TNNT1: variants seen among roughly 807,000 people sequenced by gnomAD.
TNNT1 encodes the protein troponin T1, slow skeletal type.
TNNT1 carries 53 observed loss-of-function variants against 50.6 expected under a neutral mutation model. That is an observed-to-expected ratio of 1.05 (90% CI 0.84 to 1.32). The LOEUF is 1.32. Ranked by LOEUF, TNNT1 falls within the 40% of genes most tolerant of loss-of-function variation. The probability of loss-of-function intolerance (pLI) is 0.00; values close to 1 mark genes in which losing one functional copy is unlikely to be tolerated. For synonymous variants in TNNT1, 142 were observed against 138.0 expected, an observed-to-expected ratio of 1.03 and a Z score of -0.20; for missense variants, 348 against 381.7, an observed-to-expected ratio of 0.91 and a Z score of 0.74.
chr19:55,146,384 C>A (rs1022033073), intron 5 of TNNT1, 50 bp downstream of exon 5: 4 of 1,306,090 alleles, frequency 3.1e-6, no homozygotes, highest in Non-Finnish European at 4.0e-6. Flanking sequence ...TATCGGGGGT[C>A]CCCCCGGGCC....
chr19:55,142,736 C>T (rs1054055550), intron 6 of TNNT1, among the ~76,000 whole-genome samples: 5 of 151,404 alleles, frequency 3.3e-5, no homozygotes, highest in African/African-American at 1.2e-4. Context: ...TTAGTAGAGA[C>T]GGGGTTTCAC....
At chr19:55,147,724 ACGCCTGGG>A (rs2085603702) in intron 1 of TNNT1, among the ~76,000 whole-genome samples, 1 of 109,662 alleles carries the variant, frequency 9.1e-6, no homozygotes, top group Non-Finnish European at 1.9e-5. Flanking sequence ...AGGGGCCTGG[ACGCCTGGG>A]TCTGAGGGAG....
intron 9 of TNNT1, among the ~76,000 whole-genome samples, chr19:55,138,920 T>A (rs2085403280): frequency 6.6e-6 from 1 of 152,170 alleles, no homozygotes; most frequent in Non-Finnish European, 1.5e-5. Flanking sequence ...GAAACAGTGG[T>A]TTGTCCAGGC....
chr19:55,140,187 C>T lies in TNNT1; in HGVS notation c.387+696G>A, dbSNP rs372122350. Reference sequence around the variant, plus strand: ...GAAAATGGAGAATCCAGGCCGGGCACGATGGCTCATGCCTGTCATCCCAGC... The same window carrying T: ...GAAAATGGAGAATCCAGGCCGGGCATGATGGCTCATGCCTGTCATCCCAGC... On this transcript the variant is annotated intron_variant, in intron 9 of 13. Coordinates refer to ENST00000588981, the MANE Select transcript of TNNT1 (RefSeq NM_003283.6). Among the ~76,000 whole-genome samples, 13 of 148,554 alleles carry T rather than the reference C, an allele frequency of 8.8e-5. No individual in the cohort carries two copies. In the East Asian group the frequency reaches 2.6e-3, roughly 30 times the overall value.
intron 3 of TNNT1, 67 bp from the exon 4 acceptor site, chr19:55,146,774 A>C (rs896148755): frequency 4.8e-5 from 64 of 1,324,808 alleles, no homozygotes; most frequent in Non-Finnish European, 6.1e-5. Context: ...GTGGCCAGAG[A>C]CCAGGGTTCC....
chr19:55,136,220 AG>A lies in TNNT1; in HGVS notation c.611+882del, dbSNP rs146663402. On this transcript the variant is annotated intron_variant, in intron 11 of 13. Coordinates refer to ENST00000588981, the MANE Select transcript of TNNT1 (RefSeq NM_003283.6). ...AGGATAATAATAGTATCTACCTCAC[AG>A]GGTTGTAAACCCTCCACAGGAAGCT... 2.0e-3 allele frequency among the ~76,000 whole-genome samples: 299 copies of A among 152,252 alleles called. 2 individuals are homozygous for A. The highest frequency in any genetic ancestry group is 6.9e-3 in the African/African-American group (287 of 41,540).
At chr19:55,147,277 GA>G (rs1277560576) in intron 1 of TNNT1, 109 bp from the exon 2 acceptor site, 13 of 1,023,648 alleles carry the variant, frequency 1.3e-5, no homozygotes, top group Non-Finnish European at 1.9e-5. Flanking sequence ...CCTGGGTCTG[GA>G]CTCCTGGGTG....
In TNNT1 at chr19:55,134,944, G is replaced by A. The variant is rs1452208356; in HGVS notation, c.612-740C>T. 2.6e-5 allele frequency among the ~76,000 whole-genome samples: 4 copies of A among 151,206 alleles called. No individual in the cohort carries two copies. In the Admixed American group the frequency reaches 2.7e-4, roughly 10 times the overall value. Reference sequence around the variant, plus strand: ...TCAATTCCCAGCCATGCCATTCTCTGGTTTATGAATATGTCACATGACTTC... The same window carrying A: ...TCAATTCCCAGCCATGCCATTCTCTAGTTTATGAATATGTCACATGACTTC... On this transcript the variant is annotated intron_variant, in intron 11 of 13. Transcript: ENST00000588981.
Position 55,147,449 on chromosome 19 carries a change from T to TG in TNNT1, c.-11-282dup, listed in dbSNP as rs202052401. 351 of 245,050 alleles carry TG rather than the reference T, an allele frequency of 1.4e-3. 5 individuals carry two copies. Among genetic ancestry groups the TG allele is most frequent in the African/African-American group, 6.4e-3 (79 of 12,392 alleles). The allele number at this position is 245,050 out of a possible 1,614,324, so 15.2% of individuals were successfully genotyped here. On this transcript the variant is annotated intron_variant, in intron 1 of 13. Coordinates refer to ENST00000588981, the MANE Select transcript of TNNT1 (RefSeq NM_003283.6). ...CTCCTGGGTCTGAGGGAGGAGGAGCTGGGGCCTGGACTCCTGGGTCTGAGG... is the reference window on the plus strand; with the variant it reads ...CTCCTGGGTCTGAGGGAGGAGGAGCTGGGGGCCTGGACTCCTGGGTCTGAGG...
intron 6 of TNNT1, 167 bp downstream of exon 6, chr19:55,145,377 G>A: frequency 1.5e-6 from 1 of 679,366 alleles, no homozygotes; most frequent in Non-Finnish European, 2.7e-6. Context: ...GGAGGAGGGA[G>A]AGGAGGGAGG....
intron 11 of TNNT1, among the ~76,000 whole-genome samples, chr19:55,134,724 G>A (rs1230547502): frequency 8.3e-5 from 2 of 24,078 alleles, no homozygotes; most frequent in African/African-American, 1.9e-4. Context: ...AGAGGGGAGG[G>A]GAGAGGAGAA....
rs16986278 is a variant in TNNT1 at position 55,144,781 on chromosome 19, G to T, written c.128+763C>A. ...GGTCCGCTGGAGCCAGATGGGGAAGGCTTTGAATGCAGGCTAGTTGCTTTG... is the reference window on the plus strand; with the variant it reads ...GGTCCGCTGGAGCCAGATGGGGAAGTCTTTGAATGCAGGCTAGTTGCTTTG... On this transcript the variant is annotated intron_variant, in intron 6 of 13. Coordinates refer to ENST00000588981, the MANE Select transcript of TNNT1 (RefSeq NM_003283.6). Among the ~76,000 whole-genome samples, 3 of 152,158 alleles carry T rather than the reference G, an allele frequency of 2.0e-5. No homozygotes were observed. The South Asian group carries it at 6.2e-4, about 31-fold the overall frequency.
Position 55,140,718 on chromosome 19 carries a change from A to C in TNNT1, c.387+165T>G, listed in dbSNP as rs138034350. On this transcript the variant is annotated intron_variant, in intron 9 of 13. Transcript: ENST00000588981. ...CTTGAACCTGGAAGGCAGAGGTTAC[A>C]GTGAGCTGAGATCGTGCCACTGCAC... 668 of 339,092 alleles carry C rather than the reference A, an allele frequency of 2.0e-3. 3 individuals carry two copies. The highest frequency in any genetic ancestry group is 0.013 in the African/African-American group (630 of 47,638). 21.0% of individuals were successfully genotyped at this position (339,092 alleles called of 1,614,324 possible). A position where few individuals can be genotyped will look rare whatever the true frequency, so the allele number is the denominator to read the frequency against.
At position 55,134,133 on chromosome 19, in the gene TNNT1, T is replaced by G; in HGVS notation, c.683A>C (p.Asp228Ala). ...PAREKAQELS[D>A]WIHQLESEKF... ...CTCAGACTCCAGCTGGTGGATCCAG[T>G]CCGACAGCTCCTGGGCTTTCTCCCT... The change falls in exon 12 of 14, where the codon GAC becomes GCC. Residue 228 changes from aspartate (D) to alanine (A), a missense_variant. By Grantham distance (126) the Asp-to-Ala change is moderately radical. Transcript: ENST00000588981. 1 of 1,609,592 alleles carries G rather than the reference T, an allele frequency of 6.2e-7. No individual in the cohort carries two copies. The highest frequency in any genetic ancestry group is 8.5e-7 in the Non-Finnish European group (1 of 1,178,452).
intron 1 of TNNT1, 31 bp downstream of exon 1, chr19:55,149,130 G>A (rs769330627): frequency 1.0e-4 from 47 of 455,916 alleles, no homozygotes; most frequent in South Asian, 7.3e-4. Context: ...CATGGTTTTT[G>A]AAGACCACAG....
intron 13 of TNNT1, chr19:55,133,615 T>C: frequency 1.9e-6 from 1 of 528,116 alleles, no homozygotes; most frequent in Non-Finnish European, 3.4e-6. Flanking sequence ...GAGATGGAAG[T>C]TGCAGTGAGC....
In TNNT1 at chr19:55,135,063, C is replaced by T. The variant is rs188767695; in HGVS notation, c.612-859G>A. Reference sequence around the variant, plus strand: ...ACCTGTTAGCCCTTCTCCCTTTCTTCTAGAAATAGCCTCTTGTGCATTAGG... The same window carrying T: ...ACCTGTTAGCCCTTCTCCCTTTCTTTTAGAAATAGCCTCTTGTGCATTAGG... On this transcript the variant is annotated intron_variant, in intron 11 of 13. Transcript: ENST00000588981. 2.7e-3 allele frequency among the ~76,000 whole-genome samples: 417 copies of T among 152,168 alleles called. 1 individual carries two copies. Among genetic ancestry groups the T allele is most frequent in the Non-Finnish European group, 4.7e-3 (317 of 67,998 alleles).
At chr19:55,147,334 A>T in intron 1 of TNNT1, 166 bp from the exon 2 acceptor site, 1 of 592,834 alleles carries the variant, frequency 1.7e-6, no homozygotes. Flanking sequence ...GTGAGAGAGG[A>T]GGAGCTGGGG....
intron 9 of TNNT1, among the ~76,000 whole-genome samples, chr19:55,139,381 C>A (rs1225593493): frequency 6.6e-6 from 1 of 152,202 alleles, no homozygotes; most frequent in Non-Finnish European, 1.5e-5. Context: ...CTCTGCAGAT[C>A]AGACATCTGA....
Sources: allele counts gnomAD v4.1 joint callset (sites outside exome capture counted in the v4.1 genomes callset), GRCh38; gene constraint gnomAD v4.1.1; transcripts MANE v1.5; gene names NCBI Gene and HGNC (gene_info 2026-07-23, HGNC 2026-07-21).